Variants in FARP1 observed in about 807,000 individuals in gnomAD.
FARP1 encodes FERM, ARH/RhoGEF and pleckstrin domain protein 1.
In FARP1, 52 loss-of-function variants were observed where a neutral mutation model predicts 128.8. That is an observed-to-expected ratio of 0.40 (90% confidence interval 0.32 to 0.51). FARP1 has a LOEUF of 0.51. FARP1 is among the 20% of genes least tolerant of loss of function. The probability of loss-of-function intolerance (pLI) is 0.45; values close to 1 mark genes in which losing one functional copy is unlikely to be tolerated. For synonymous variants in FARP1, 580 were observed against 551.8 expected (o/e 1.05, Z -0.72); for missense variants, 1,333 against 1,367.9 (o/e 0.97, Z 0.40).
chr13:98,440,844 G>T lies in FARP1; in HGVS notation c.2796+8G>T. On this transcript the variant is annotated splice_region_variant and intron_variant, in intron 24 of 26. Transcript: ENST00000319562. ...TTCAGCATCGCAGTGGAGGTACGCA[G>T]GGGCAGGGCAGCTCTGGTTCCCAGC... The T allele has an allele frequency of 6.3e-7, 1 of 1,591,450 alleles. No individual in the cohort carries two copies.
chr13:98,278,744 A>G (rs1884787870), intron 2 of FARP1, among the ~76,000 whole-genome samples: 2 of 152,164 alleles, frequency 1.3e-5, no homozygotes, highest in Non-Finnish European at 2.9e-5. Context: ...ATTTATTAAT[A>G]TTAATTATGA....
intron 1 of FARP1, among the ~76,000 whole-genome samples, chr13:98,197,800 A>G (rs1229698060): frequency 2.6e-5 from 4 of 151,756 alleles, no homozygotes; most frequent in Non-Finnish European, 5.9e-5. Context: ...ACGCCCGGCT[A>G]ATTTTTTGTA....
chr13:98,405,833 T>C (rs772998541), intron 13 of FARP1: 2 of 152,206 alleles, frequency 1.3e-5, no homozygotes, highest in African/African-American at 2.4e-5. Context: ...TACCGAGGCA[T>C]TGATAATTTC....
rs1162957575 is a variant in FARP1, at chr13:98,390,983, T to C, written c.1088+103T>C. On this transcript the variant is annotated intron_variant, in intron 11 of 26. Coordinates refer to ENST00000319562, the MANE Select transcript of FARP1 (RefSeq NM_005766.4). ...TTCTTTACCCAGACTTCAGACTTGA[T>C]GTCCCTTGAGTTGTAAATGATAGTC... 8.7e-6 allele frequency: 7 copies of C among 809,136 alleles called. No individual in the cohort carries two copies. The African/African-American group carries it at 1.2e-4, about 14-fold the overall frequency. The allele number at this position is 809,136 out of a possible 1,614,324, so 50.1% of individuals were successfully genotyped here.
chr13:98,365,467 T>C (rs199869944), intron 4 of FARP1, 30 bp downstream of exon 4: 165 of 1,511,164 alleles, frequency 1.1e-4, no homozygotes, highest in Non-Finnish European at 1.3e-4. Flanking sequence ...TTAATAGTGA[T>C]GTGAAATCTG....
intron 2 of FARP1, among the ~76,000 whole-genome samples, chr13:98,299,643 C>T (rs1390977258): frequency 2.6e-5 from 4 of 152,178 alleles, no homozygotes; most frequent in African/African-American, 7.2e-5. Context: ...CAATTATAGT[C>T]TTGGAAACCT....
chr13:98,209,472 ATTTTTTTTT>A (rs534634730), intron 1 of FARP1, among the ~76,000 whole-genome samples: 6 of 106,484 alleles, frequency 5.6e-5, no homozygotes, highest in East Asian at 2.8e-4. Flanking sequence ...GGGAGGAAAG[ATTTTTTTTT>A]TTTTTTTTTT....
In FARP1 at chr13:98,440,844, G is replaced by C. The variant is rs776262768; in HGVS notation, c.2796+8G>C. ...TTCAGCATCGCAGTGGAGGTACGCA[G>C]GGGCAGGGCAGCTCTGGTTCCCAGC... On this transcript the variant is annotated splice_region_variant and intron_variant, in intron 24 of 26. Transcript: ENST00000319562. The C allele has an allele frequency of 3.1e-6, 5 of 1,591,332 alleles. No homozygotes were observed. The highest frequency in any genetic ancestry group is 1.1e-5 in the South Asian group (1 of 88,582).
At chr13:98,164,005 G>A (rs1217193560) in intron 1 of FARP1, among the ~76,000 whole-genome samples, 5 of 152,126 alleles carry the variant, frequency 3.3e-5, no homozygotes, top group East Asian at 3.9e-4. Context: ...CACTGCACCC[G>A]GCCAGCATGA....
At position 98,435,656 on chromosome 13, in the gene FARP1, G is replaced by T; in HGVS notation, c.2224G>T (p.Glu742Ter). 6.2e-7 allele frequency: 1 copy of T among 1,614,128 alleles called. No individual in the cohort carries two copies. The highest frequency in any genetic ancestry group is 2.2e-5 in the East Asian group (1 of 44,890). ...IKMENFQKLHELKKDLIGIDN... is the reference protein window; with the variant it reads ...IKMENFQKLH ...GATGGAGAATTTCCAGAAGCTGCAC[G>T]AACTCAAGAAAGATTTGATTGGCAT... The change falls in exon 19 of 27, where the codon GAA becomes TAA. Residue 742 changes from glutamate (E) to a stop codon, truncating the protein, a stop_gained. Coordinates refer to ENST00000319562, the MANE Select transcript of FARP1 (RefSeq NM_005766.4). LOFTEE classifies it high-confidence loss of function.
At chr13:98,348,453 G>T (rs1451436579) in intron 3 of FARP1, among the ~76,000 whole-genome samples, 1 of 152,232 alleles carries the variant, frequency 6.6e-6, no homozygotes, top group Non-Finnish European at 1.5e-5. Flanking sequence ...TGGCCATGGG[G>T]GCGAGTTCCG....
intron 3 of FARP1, among the ~76,000 whole-genome samples, chr13:98,360,278 T>C (rs1205622194): frequency 1.3e-5 from 2 of 152,086 alleles, no homozygotes; most frequent in African/African-American, 4.8e-5. Context: ...ATACTTTTAG[T>C]AGAGATGGGC....
intron 1 of FARP1, among the ~76,000 whole-genome samples, chr13:98,145,173 A>G (rs1391031242): frequency 1.3e-5 from 2 of 152,138 alleles, no homozygotes; most frequent in East Asian, 3.9e-4. Context: ...CGCCTCCCAG[A>G]ATCTCTTACT....
intron 2 of FARP1, among the ~76,000 whole-genome samples, chr13:98,284,988 T>G (rs1447420859): frequency 1.3e-5 from 2 of 152,064 alleles, no homozygotes; most frequent in Non-Finnish European, 2.9e-5. Context: ...TCTGTCTAAT[T>G]TATGGTCTGG....
intron 4 of FARP1, among the ~76,000 whole-genome samples, chr13:98,367,424 C>T (rs530380758): frequency 7.2e-5 from 11 of 152,252 alleles, no homozygotes; most frequent in African/African-American, 2.6e-4. Flanking sequence ...GCTGGCATGA[C>T]AGGTGTGAGC....
At chr13:98,393,564 A>C in intron 11 of FARP1, 79 bp from the exon 12 acceptor site, 1 of 1,112,574 alleles carries the variant, frequency 9.0e-7, no homozygotes, top group Non-Finnish European at 1.4e-6. Context: ...CAACAAAAGG[A>C]CTTTTGTTTC....
rs199679793 is a variant in FARP1 at position 98,347,208 on chromosome 13, GC to G, written c.276+3343del. On this transcript the variant is annotated intron_variant, in intron 3 of 26. Transcript: ENST00000319562. ...TGGGATCCATTGAAGTGTTCCAAAA[GC>G]ATTATTTATGGAAACTTGTTACCAT... Among the ~76,000 whole-genome samples, 1,281 of 152,280 alleles carry G rather than the reference GC, an allele frequency of 8.4e-3. 19 individuals carry two copies. The highest frequency in any genetic ancestry group is 0.026 in the African/African-American group (1,084 of 41,556).
rs1418252005 is a variant in FARP1, at chr13:98,389,940, G to A, written c.856-17G>A. 4.3e-6 allele frequency: 7 copies of A among 1,613,170 alleles called. No homozygotes were observed. In the Admixed American group the frequency reaches 1.2e-4, roughly 27 times the overall value. On this transcript the variant is annotated splice_polypyrimidine_tract_variant and intron_variant, in intron 9 of 26. Coordinates refer to ENST00000319562, the MANE Select transcript of FARP1 (RefSeq NM_005766.4). Reference sequence around the variant, plus strand: ...ATGGGTAATGGAAAAAACCACCGTTGTATTTTCCCTTTTTAGAGTGCGTAC... The same window carrying A: ...ATGGGTAATGGAAAAAACCACCGTTATATTTTCCCTTTTTAGAGTGCGTAC...
intron 2 of FARP1, among the ~76,000 whole-genome samples, chr13:98,337,215 A>G (rs1444301327): frequency 6.6e-6 from 1 of 152,130 alleles, no homozygotes; most frequent in East Asian, 1.9e-4. Context: ...AAAAATAAAA[A>G]TAAAAACATC....
Sources: gnomAD v4.1 joint callset for allele counts (sites outside exome capture counted in the v4.1 genomes callset) on GRCh38, gnomAD v4.1.1 for gene constraint, MANE v1.5 for transcripts, NCBI Gene and HGNC (gene_info 2026-07-23, HGNC 2026-07-21) for gene names.